The following TEAD1 variants were observed in gnomAD, a reference collection of about 807,000 sequenced individuals.
TEAD1 encodes TEA domain transcription factor 1.
Under a neutral mutation model 54.9 loss-of-function variants are expected in TEAD1, and 9 were observed. The observed-to-expected ratio is 0.16, with a 90% CI of 0.10 to 0.29. TEAD1 has a LOEUF of 0.29. Among genes scored for constraint, TEAD1 ranks in the 10% least tolerant of loss-of-function variants. The probability of loss-of-function intolerance (pLI) is 1.00; values close to 1 mark genes in which losing one functional copy is unlikely to be tolerated. For missense variants in TEAD1, 387 were observed against 535.9 expected (o/e 0.72, Z 2.74); for synonymous variants, 200 against 187.8 (o/e 1.07, Z -0.53).
chr11:12,851,444 C>T (rs1170535600), intron 3 of TEAD1, among the ~76,000 whole-genome samples: 1 of 152,174 alleles, frequency 6.6e-6, no homozygotes, highest in Admixed American at 6.5e-5. Context: ...ATTTTATTAT[C>T]TATATGTATC....
At chr11:12,894,795 A>T (rs542703438) in intron 9 of TEAD1, among the ~76,000 whole-genome samples, 1 of 152,364 alleles carries the variant, frequency 6.6e-6, no homozygotes, top group African/African-American at 2.4e-5. Flanking sequence ...ATTTCGTCCA[A>T]AGTAAAGAAA....
intron 3 of TEAD1, among the ~76,000 whole-genome samples, chr11:12,776,881 A>C (rs1945433396): frequency 6.7e-6 from 1 of 150,146 alleles, no homozygotes. Flanking sequence ...TGCAACCTCC[A>C]CCTCCCGGGT....
At chr11:12,880,952 C>A in intron 6 of TEAD1, 53 bp from the exon 7 acceptor site, 1 of 1,604,710 alleles carries the variant, frequency 6.2e-7, no homozygotes, top group Non-Finnish European at 8.5e-7. Flanking sequence ...GCATCCTAAA[C>A]TGTGCTTTGA....
chr11:12,774,200 A>C (rs1299949694), intron 3 of TEAD1, among the ~76,000 whole-genome samples: 1 of 152,044 alleles, frequency 6.6e-6, no homozygotes, highest in Non-Finnish European at 1.5e-5. Flanking sequence ...TTAGAGATGG[A>C]AAGATTTCAG....
chr11:12,741,488 C>T (rs1371290040), intron 2 of TEAD1, among the ~76,000 whole-genome samples: 4 of 152,170 alleles, frequency 2.6e-5, no homozygotes, highest in African/African-American at 9.7e-5. Context: ...TGATTATAGT[C>T]TTTAAAGTCT....
At chr11:12,734,270 A>C (rs1944482133) in intron 2 of TEAD1, among the ~76,000 whole-genome samples, 1 of 152,204 alleles carries the variant, frequency 6.6e-6, no homozygotes, top group African/African-American at 2.4e-5. Context: ...TTTAAGTAGA[A>C]AGCTTATAGA....
At chr11:12,718,875 C>G (rs1368101341) in intron 2 of TEAD1, among the ~76,000 whole-genome samples, 6 of 152,082 alleles carry the variant, frequency 3.9e-5, no homozygotes, top group Admixed American at 3.9e-4. Context: ...AAATCTCTTC[C>G]TGCACCCTAA....
In TEAD1 at chr11:12,939,484, GCCAGGAGGGCT is replaced by G. The variant is rs1817051239; in HGVS notation, c.*2264_*2274del. ...CCCAGGAATGGTACTTTTCAGTGCA[GCCAGGAGGGCT>G]CTTGGGATTTCCTTTCCAAAGCACA... On this transcript the variant is annotated 3_prime_UTR_variant, in exon 13 of 13. Transcript: ENST00000527636. The G allele has an allele frequency of 6.6e-6, 1 of 152,266 alleles. No homozygotes were observed. Among genetic ancestry groups the G allele is most frequent in the South Asian group, 2.1e-4 (1 of 4,838 alleles). The allele number at this position is 152,266 out of a possible 1,614,324, so 9.4% of individuals were successfully genotyped here. A position where few individuals can be genotyped will look rare whatever the true frequency, so the allele number is the denominator to read the frequency against.
At chr11:12,881,808 C>G in intron 7 of TEAD1, 88 bp from the exon 8 acceptor site, 1 of 1,390,812 alleles carries the variant, frequency 7.2e-7, no homozygotes, top group South Asian at 1.2e-5. Context: ...TGAAGGACCT[C>G]CCACTGGGAG....
chr11:12,771,235 C>T (rs191919270), intron 3 of TEAD1, among the ~76,000 whole-genome samples: 13 of 152,272 alleles, frequency 8.5e-5, no homozygotes, highest in Admixed American at 2.6e-4. Context: ...GTTGCGGGTC[C>T]GAGTGCCATG....
chr11:12,874,530 T>C (rs189170217), intron 5 of TEAD1, among the ~76,000 whole-genome samples: 3 of 152,350 alleles, frequency 2.0e-5, no homozygotes, highest in Admixed American at 2.0e-4. Flanking sequence ...TATGAAAGCC[T>C]GTTTTTACTT....
rs61406586 is a variant in TEAD1, at chr11:12,848,221, T to G, written c.203-14029T>G. On this transcript the variant is annotated intron_variant, in intron 3 of 12. Transcript: ENST00000527636. ...AGTGTGTATTATTCCAGCGTGTTTC[T>G]CTTCTAGAGCCTAGCCTAATTCCTT... 4.2e-3 allele frequency among the ~76,000 whole-genome samples: 638 copies of G among 152,352 alleles called. 7 individuals carry two copies. The highest frequency in any genetic ancestry group is 0.014 in the African/African-American group (588 of 41,590).
At chr11:12,857,405 T>C (rs1431216169) in intron 3 of TEAD1, among the ~76,000 whole-genome samples, 1 of 152,180 alleles carries the variant, frequency 6.6e-6, no homozygotes, top group African/African-American at 2.4e-5. Flanking sequence ...AGAGAAGCTT[T>C]ATATCTCTCT....
chr11:12,763,050 A>G (rs934363887), intron 2 of TEAD1, among the ~76,000 whole-genome samples: 2 of 152,134 alleles, frequency 1.3e-5, no homozygotes, highest in Non-Finnish European at 2.9e-5. Context: ...GAGGCCTTTG[A>G]ATTAATGATC....
intron 3 of TEAD1, among the ~76,000 whole-genome samples, chr11:12,769,821 C>T (rs796832181): frequency 6.6e-5 from 10 of 152,196 alleles, no homozygotes; most frequent in African/African-American, 2.4e-4. Flanking sequence ...GGGACCCCAC[C>T]GATCACAGGA....
At position 12,902,017 on chromosome 11, in the gene TEAD1, T is replaced by C; in HGVS notation, c.777T>C (p.Ile259=). ...ACCCATTGCTTGAATCAGTGGACAT[T>C]CGTCAGATTTATGACAAATTTCCTG... The change falls in exon 10 of 13, where the codon ATT becomes ATC. Residue 259 remains isoleucine (I), a synonymous_variant. Coordinates refer to ENST00000527636, the MANE Select transcript of TEAD1 (RefSeq NM_021961.6). The C allele has an allele frequency of 6.2e-7, 1 of 1,614,260 alleles. No homozygotes were observed. Among genetic ancestry groups the C allele is most frequent in the Middle Eastern group, 1.6e-4 (1 of 6,062 alleles).
intron 3 of TEAD1, among the ~76,000 whole-genome samples, chr11:12,812,926 G>C (rs1273084353): frequency 1.3e-5 from 2 of 152,218 alleles, no homozygotes; most frequent in Admixed American, 1.3e-4. Flanking sequence ...GTTAAGAGGG[G>C]CTAATGTGGT....
intron 3 of TEAD1, among the ~76,000 whole-genome samples, chr11:12,783,980 T>A (rs1028166023): frequency 1.3e-5 from 2 of 151,998 alleles, no homozygotes; most frequent in Admixed American, 1.3e-4. Flanking sequence ...TCAACAAGTG[T>A]TTGAGGAGAA....
At chr11:12,924,222 A>G (rs944493909) in intron 10 of TEAD1, among the ~76,000 whole-genome samples, 1 of 152,186 alleles carries the variant, frequency 6.6e-6, no homozygotes, top group African/African-American at 2.4e-5. Context: ...TCATTCCTCA[A>G]CTGAGACCAC....
Sources: gnomAD v4.1 joint callset for allele counts (sites outside exome capture counted in the v4.1 genomes callset) on GRCh38, gnomAD v4.1.1 for gene constraint, MANE v1.5 for transcripts, NCBI Gene and HGNC (gene_info 2026-07-23, HGNC 2026-07-21) for gene names.